Variants in CTNS observed in about 807,000 individuals in gnomAD.
CTNS encodes cystinosin.
A neutral mutation model predicts 43.7 loss-of-function variants in CTNS; 27 were observed. The ratio of observed to expected loss-of-function variants is 0.62; its 90% confidence interval spans 0.46 to 0.85. CTNS has a LOEUF of 0.85. Ranked by LOEUF, CTNS falls within the 40% of genes least tolerant of loss-of-function variation. CTNS has a pLI of 0.00. For synonymous variants in CTNS, 187 were observed against 190.6 expected (o/e 0.98, Z 0.16); for missense variants, 457 against 475.4 (o/e 0.96, Z 0.36).
intron 3 of CTNS, among the ~76,000 whole-genome samples, chr17:3,640,482 C>T (rs540162864): frequency 5.3e-5 from 8 of 152,358 alleles, no homozygotes; most frequent in African/African-American, 1.9e-4. Context: ...TATAATTGGC[C>T]TTCTGCCCTG....
At chr17:3,650,848 G>C (rs1050390932) in intron 5 of CTNS, among the ~76,000 whole-genome samples, 2 of 152,104 alleles carry the variant, frequency 1.3e-5, no homozygotes, top group African/African-American at 4.8e-5. Context: ...TGTCGCCCAG[G>C]TTGGAGTAAA....
chr17:3,649,657 T>C (rs1419332352), intron 5 of CTNS, among the ~76,000 whole-genome samples: 1 of 152,114 alleles, frequency 6.6e-6, no homozygotes, highest in Admixed American at 6.6e-5. Flanking sequence ...GAGACACCAC[T>C]GGTTGGGTGT....
rs200818208 is a variant in CTNS at position 3,656,512 on chromosome 17, G to A, written c.487G>A (p.Val163Met). ...TGTCATTGGTCTGAGCTTCGACTTC[G>A]TGGCTCTGAACCTGACGGGCTTCGT... ...KSVIGLSFDF[V>M]ALNLTGFVAY... The change falls in exon 8 of 12, where the codon GTG becomes ATG. Residue 163 changes from valine to methionine, a missense_variant. By Grantham distance (21) the Val-to-Met change is conservative. Transcript: ENST00000046640. 50 of 1,600,516 alleles carry A rather than the reference G, an allele frequency of 3.1e-5. No individual in the cohort carries two copies. Among genetic ancestry groups the A allele is most frequent in the South Asian group, 4.4e-5 (4 of 90,220 alleles).
intron 3 of CTNS, among the ~76,000 whole-genome samples, chr17:3,643,952 T>C (rs540747012): frequency 2.0e-5 from 3 of 152,264 alleles, no homozygotes; most frequent in African/African-American, 7.2e-5. Flanking sequence ...GGTGGGAGGA[T>C]GGCTTGAGCC....
intron 5 of CTNS, among the ~76,000 whole-genome samples, chr17:3,653,695 G>A (rs1424132059): frequency 6.6e-6 from 1 of 152,112 alleles, no homozygotes; most frequent in Admixed American, 6.5e-5. Context: ...GACCAACATG[G>A]TGAAACCCCG....
At chr17:3,641,385 T>TATATG (rs57286057) in intron 3 of CTNS, among the ~76,000 whole-genome samples, 3 of 42,098 alleles carry the variant, frequency 7.1e-5, no homozygotes, top group South Asian at 2.0e-3. Flanking sequence ...TATATATATA[T>TATATG]TTTTTTTTTT....
chr17:3,647,883 G>A (rs557421270), intron 4 of CTNS, among the ~76,000 whole-genome samples: 43 of 152,318 alleles, frequency 2.8e-4, no homozygotes, highest in Non-Finnish European at 6.0e-4. Flanking sequence ...AAGGGGCAGG[G>A]AGCTGAGCTG....
chr17:3,657,972 G>A (rs374222245), intron 9 of CTNS, 33 bp from the exon 10 acceptor site: 25 of 1,603,264 alleles, frequency 1.6e-5, no homozygotes, highest in Non-Finnish European at 5.1e-6. Context: ...GCCTCTGTGT[G>A]GGTCCACATC....
chr17:3,660,098 G>A (rs569223220), intron 11 of CTNS, 123 bp downstream of exon 11: 51 of 1,459,574 alleles, frequency 3.5e-5, no homozygotes, highest in South Asian at 1.9e-4. Flanking sequence ...CAGCCCCCAA[G>A]GAGAGACCCA....
In CTNS at chr17:3,656,765, GATC is replaced by G. The variant is rs1567712282; in HGVS notation, c.658_660del (p.Ile220del). The stretch of plus-strand genomic sequence containing the variant: ...GCCTGCACGCGGTTGTCCTCACGCT[GATC>G]ATCATCGTGCAGTGCTGCCTGTATG... On this transcript the variant is annotated inframe_deletion, in exon 9 of 12. Coordinates refer to ENST00000046640, the MANE Select transcript of CTNS (RefSeq NM_004937.3). The G allele has an allele frequency of 2.5e-6, 4 of 1,613,246 alleles. No individual in the cohort carries two copies. In the Admixed American group the frequency reaches 5.0e-5, roughly 20 times the overall value.
At chr17:3,640,347 CCAA>C in intron 3 of CTNS, 80 bp downstream of exon 3, 2 of 1,437,154 alleles carry the variant, frequency 1.4e-6, no homozygotes. Context: ...CTGTTTGTTG[CCAA>C]GGGTTTAGAA....
At chr17:3,646,530 A>T (rs930703442) in intron 3 of CTNS, among the ~76,000 whole-genome samples, 7 of 151,970 alleles carry the variant, frequency 4.6e-5, no homozygotes, top group Admixed American at 4.6e-4. Context: ...CTCGTGATCC[A>T]CCTGCCTCGG....
chr17:3,659,276 G>T (rs2076228950), intron 10 of CTNS, among the ~76,000 whole-genome samples: 2 of 152,128 alleles, frequency 1.3e-5, no homozygotes, highest in Non-Finnish European at 2.9e-5. Flanking sequence ...AGTCAGACTG[G>T]GGCGCATCCC....
At chr17:3,649,753 C>A (rs1370502367) in intron 5 of CTNS, among the ~76,000 whole-genome samples, 2 of 126,122 alleles carry the variant, frequency 1.6e-5, no homozygotes, top group Non-Finnish European at 3.6e-5. Context: ...TTGTGTGTAC[C>A]CTGCTCCCAC....
Position 3,656,847 on chromosome 17 carries a change from C to T in CTNS, c.681+52C>T, listed in dbSNP as rs764453407. On this transcript the variant is annotated intron_variant, in intron 9 of 11. Transcript: ENST00000046640. ...GCCACCCCAGCCAACACCCGCCACC[C>T]CACCTCACCTTTGACAGAAGACACG... is the stretch of plus-strand genomic sequence containing the variant. 5 of 1,610,240 alleles carry T rather than the reference C, an allele frequency of 3.1e-6. No individual in the cohort carries two copies. The African/African-American group carries it at 5.3e-5, about 17-fold the overall frequency.
upstream of CTNS, chr17:3,636,480 A>T (rs1031783359): frequency 6.8e-6 from 3 of 443,516 alleles, no homozygotes; most frequent in Non-Finnish European, 1.2e-5. Context: ...TTTCCGCCCA[A>T]TGGAGGGCGG....
chr17:3,651,220 G>A (rs979119109), intron 5 of CTNS, among the ~76,000 whole-genome samples: 1 of 151,302 alleles, frequency 6.6e-6, no homozygotes, highest in Non-Finnish European at 1.5e-5. Context: ...CCAGCCTCCC[G>A]AGTAGCTGGG....
chr17:3,655,431 A>G, intron 7 of CTNS, 79 bp downstream of exon 7: 1 of 1,591,586 alleles, frequency 6.3e-7, no homozygotes. Flanking sequence ...CCGATAGCGC[A>G]GCCTCCAACG....
chr17:3,658,320 G>A, intron 10 of CTNS, 145 bp downstream of exon 10: 2 of 1,134,098 alleles, frequency 1.8e-6, no homozygotes, highest in Non-Finnish European at 1.3e-6. Context: ...AGCGGGAGCG[G>A]GGCGGTGGGG....
Sources: gnomAD v4.1 joint callset for allele counts (sites outside exome capture counted in the v4.1 genomes callset) on GRCh38, gnomAD v4.1.1 for gene constraint, MANE v1.5 for transcripts, NCBI Gene and HGNC (gene_info 2026-07-23, HGNC 2026-07-21) for gene names.